The following CACNB2 variants were observed in gnomAD, a reference collection of about 807,000 sequenced individuals.
The protein encoded by CACNB2 is voltage-dependent L-type calcium channel subunit beta-2.
Under a neutral mutation model 73.3 loss-of-function variants are expected in CACNB2, and 42 were observed. The ratio of observed to expected loss-of-function variants is 0.57; its 90% CI spans 0.45 to 0.74. The LOEUF (loss-of-function observed/expected upper bound fraction) is 0.74, where lower values mean the gene tolerates loss of function less well. Among genes scored for constraint, CACNB2 ranks in the 30% least tolerant of loss-of-function variants. CACNB2 has a pLI of 0.00. For synonymous variants in CACNB2, 348 were observed against 310.3 expected (o/e 1.12, Z -1.28); for missense variants, 940 against 853.0 (o/e 1.10, Z -1.27).
At chr10:18,354,973 C>T (rs1266883605) in intron 2 of CACNB2, among the ~76,000 whole-genome samples, 2 of 152,012 alleles carry the variant, frequency 1.3e-5, no homozygotes, top group Non-Finnish European at 2.9e-5. Context: ...GATGGTTCAA[C>T]GTACACAAAC....
At chr10:18,423,706 G>C (rs1017924004) in intron 3 of CACNB2, among the ~76,000 whole-genome samples, 2 of 152,068 alleles carry the variant, frequency 1.3e-5, no homozygotes, top group Non-Finnish European at 2.9e-5. Context: ...GTAACATAAA[G>C]GACTCAAGCA....
intron 2 of CACNB2, among the ~76,000 whole-genome samples, chr10:18,151,604 C>T (rs1296815371): frequency 6.6e-6 from 1 of 152,140 alleles, no homozygotes. Flanking sequence ...TATATGGTAA[C>T]AGAAAGGAAT....
chr10:18,158,781 G>C (rs1234135780), intron 2 of CACNB2, among the ~76,000 whole-genome samples: 3 of 152,202 alleles, frequency 2.0e-5, no homozygotes, highest in Non-Finnish European at 4.4e-5. Flanking sequence ...AGGTGGGGAA[G>C]AGTAACAAGT....
chr10:18,298,853 G>A (rs2039385057), intron 2 of CACNB2, among the ~76,000 whole-genome samples: 1 of 152,084 alleles, frequency 6.6e-6, no homozygotes, highest in African/African-American at 2.4e-5. Context: ...TGCAAAAACT[G>A]CTGTATGGGC....
chr10:18,330,127 C>T (rs146511095), intron 2 of CACNB2, among the ~76,000 whole-genome samples: 183 of 152,284 alleles, frequency 1.2e-3, no homozygotes, highest in African/African-American at 3.4e-3. Flanking sequence ...AGTTGTCAGC[C>T]ACTGCACCCA....
chr10:18,413,603 A>G (rs1056460694), intron 3 of CACNB2, among the ~76,000 whole-genome samples: 2 of 152,186 alleles, frequency 1.3e-5, no homozygotes, highest in Admixed American at 6.5e-5. Context: ...CGAAGGGTCA[A>G]CAAATCTTTT....
chr10:18,487,740 C>A (rs1053044400), intron 3 of CACNB2, among the ~76,000 whole-genome samples: 1 of 151,526 alleles, frequency 6.6e-6, no homozygotes, highest in Non-Finnish European at 1.5e-5. Context: ...GAGGCTGAGG[C>A]AGGGGAATCA....
At chr10:18,538,389 C>G (rs750913680) in intron 13 of CACNB2, 24 bp downstream of exon 13, 3 of 1,589,396 alleles carry the variant, frequency 1.9e-6, no homozygotes, top group South Asian at 2.2e-5. Flanking sequence ...TTATATATAT[C>G]TATATATACA....
intron 2 of CACNB2, among the ~76,000 whole-genome samples, chr10:18,286,381 G>A (rs545627389): frequency 5.9e-5 from 9 of 151,884 alleles, no homozygotes; most frequent in African/African-American, 1.7e-4. Flanking sequence ...AGCCAGGCGC[G>A]GTGGCGGGCG....
intron 2 of CACNB2, among the ~76,000 whole-genome samples, chr10:18,313,464 T>C (rs2040038039): frequency 6.6e-6 from 1 of 151,804 alleles, no homozygotes; most frequent in Admixed American, 6.6e-5. Context: ...ATTACCACCA[T>C]TTTATAACCA....
chr10:18,477,652 G>T (rs75629367), intron 3 of CACNB2, among the ~76,000 whole-genome samples: 1 of 152,170 alleles, frequency 6.6e-6, no homozygotes, highest in African/African-American at 2.4e-5. Context: ...GAGGGCTTCA[G>T]TATTTAAAGG....
chr10:18,299,925 G>C (rs2039440352), intron 2 of CACNB2, among the ~76,000 whole-genome samples: 1 of 152,060 alleles, frequency 6.6e-6, no homozygotes, highest in Admixed American at 6.6e-5. Flanking sequence ...CTGGCCTTCA[G>C]GAACATCTAT....
At chr10:18,530,513 C>CAAAAAAAAAAAAAAAA (rs5783609) in intron 10 of CACNB2, among the ~76,000 whole-genome samples, 1 of 129,320 alleles carries the variant, frequency 7.7e-6, no homozygotes, top group Non-Finnish European at 1.6e-5. Context: ...TACAAAAATG[C>CAAAAAAAAAAAAAAAA]AAAAAAAAAA....
intron 2 of CACNB2, among the ~76,000 whole-genome samples, chr10:18,246,521 C>G (rs982283797): frequency 2.6e-5 from 4 of 152,080 alleles, no homozygotes; most frequent in African/African-American, 9.7e-5. Flanking sequence ...GGTTGAAATG[C>G]ATTATCTCAG....
intron 2 of CACNB2, among the ~76,000 whole-genome samples, chr10:18,333,985 G>A (rs190995223): frequency 3.3e-5 from 5 of 152,268 alleles, no homozygotes; most frequent in African/African-American, 7.2e-5. Context: ...AAGTTGTCCC[G>A]ATTGAAAGTT....
intron 2 of CACNB2, among the ~76,000 whole-genome samples, chr10:18,216,811 C>A (rs898115236): frequency 1.3e-5 from 2 of 152,140 alleles, no homozygotes; most frequent in Admixed American, 1.3e-4. Context: ...TGAAAAATTC[C>A]TTAAAAGCAA....
intron 2 of CACNB2, 135 bp downstream of exon 2, chr10:18,151,110 G>C: frequency 1.5e-6 from 1 of 677,724 alleles, no homozygotes. Flanking sequence ...AGACGGTGCT[G>C]TTTAATGTCA....
At chr10:18,205,329 A>T (rs983092152) in intron 2 of CACNB2, among the ~76,000 whole-genome samples, 3 of 152,198 alleles carry the variant, frequency 2.0e-5, no homozygotes, top group African/African-American at 7.2e-5. Flanking sequence ...TTATTGTGAG[A>T]ATTGAATGGG....
chr10:18,346,831 A>G (rs919258327), intron 2 of CACNB2, among the ~76,000 whole-genome samples: 1 of 151,036 alleles, frequency 6.6e-6, no homozygotes, highest in Non-Finnish European at 1.5e-5. Context: ...TCCTGAGCTC[A>G]AGTGATCCAC....
Sources: gnomAD v4.1 joint callset for allele counts (sites outside exome capture counted in the v4.1 genomes callset) on GRCh38, gnomAD v4.1.1 for gene constraint, MANE v1.5 for transcripts, NCBI Gene and HGNC (gene_info 2026-07-23, HGNC 2026-07-21) for gene names.